Variants in CALN1 observed in about 807,000 individuals in gnomAD.
CALN1 encodes calneuron 1.
A neutral mutation model predicts 30.6 loss-of-function variants in CALN1; 17 were observed. The ratio of observed to expected loss-of-function variants is 0.56; its 90% CI spans 0.38 to 0.83. The LOEUF is 0.83. CALN1 is among the 40% of genes least tolerant of loss of function. CALN1 has a pLI of 0.00. For synonymous variants in CALN1, 156 were observed against 131.4 expected, an observed-to-expected ratio of 1.19 and a Z score of -1.28; for missense variants, 291 against 354.9, an observed-to-expected ratio of 0.82 and a Z score of 1.45.
intron 2 of CALN1, among the ~76,000 whole-genome samples, chr7:72,338,503 GTGTGTGTGTGTGTGTGTGTGTGTGTC>G (rs1344089943): frequency 1.4e-5 from 2 of 147,162 alleles, no homozygotes; most frequent in African/African-American, 5.1e-5. Flanking sequence ...GTGTGTGTGT[GTGTGTGTGTGTGTGTGTGTGTGTGTC>G]TCACCTGGGT....
chr7:72,424,023 AG>A lies in CALN1; in HGVS notation c.-225-11749del, dbSNP rs368422945. Among the ~76,000 whole-genome samples the A allele has an allele frequency of 9.0e-3, 1,238 of 138,126 alleles. 20 individuals are homozygous for A. The highest frequency in any genetic ancestry group is 0.031 in the African/African-American group (1,160 of 36,900). 90.6% of individuals were successfully genotyped at this position (138,126 alleles called of 152,430 possible). On this transcript the variant is annotated intron_variant, in intron 1 of 6. Coordinates refer to the CALN1 transcript ENST00000395276. The stretch of plus-strand genomic sequence containing the variant: ...AGAAGGAAGGAAGGAGGGAGGGAGG[AG>A]GGGAAGGAAGGAAGGAAAAGAAAGA...
intron 4 of CALN1, among the ~76,000 whole-genome samples, chr7:72,100,339 G>A (rs1806561080): frequency 6.6e-6 from 1 of 151,734 alleles, no homozygotes; most frequent in Non-Finnish European, 1.5e-5. Context: ...GTACCACTAT[G>A]CCCAGCTAAT....
chr7:72,159,360 G>C (rs574140862), intron 3 of CALN1, among the ~76,000 whole-genome samples: 1 of 152,246 alleles, frequency 6.6e-6, no homozygotes, highest in Non-Finnish European at 1.5e-5. Context: ...AATTAGCCAG[G>C]CATGTGGTGT....
intron 5 of CALN1, among the ~76,000 whole-genome samples, chr7:71,902,527 T>G (rs928885156): frequency 1.4e-4 from 21 of 152,162 alleles, no homozygotes; most frequent in African/African-American, 4.6e-4. Context: ...AACTGAGCTT[T>G]GACTGTTGGT....
intron 5 of CALN1, among the ~76,000 whole-genome samples, chr7:71,861,194 T>C (rs1005333491): frequency 7.2e-5 from 11 of 151,770 alleles, no homozygotes; most frequent in African/African-American, 2.2e-4. Context: ...TGTGTGTGCG[T>C]GTGTGTGTGT....
chr7:71,834,563 G>A (rs1789499493), intron 5 of CALN1, among the ~76,000 whole-genome samples: 1 of 152,096 alleles, frequency 6.6e-6, no homozygotes, highest in African/African-American at 2.4e-5. Flanking sequence ...AGTGTTCTGA[G>A]ATGGAAAAGT....
At chr7:72,260,826 G>T (rs537947812) in intron 3 of CALN1, among the ~76,000 whole-genome samples, 4 of 152,174 alleles carry the variant, frequency 2.6e-5, no homozygotes, top group African/African-American at 9.6e-5. Flanking sequence ...GCTCTCCAAA[G>T]TGCCCTACAA....
intron 5 of CALN1, among the ~76,000 whole-genome samples, chr7:71,937,535 G>A (rs1020425669): frequency 2.6e-5 from 4 of 152,214 alleles, no homozygotes; most frequent in African/African-American, 9.6e-5. Context: ...CGGGAGTCCG[G>A]TGGTGCAATC....
intron 6 of CALN1, among the ~76,000 whole-genome samples, chr7:71,799,580 C>A (rs531668867): frequency 6.6e-6 from 1 of 152,042 alleles, no homozygotes; most frequent in South Asian, 2.1e-4. Context: ...ATTCTCCTGC[C>A]TCAGCCTCCC....
chr7:72,112,879 C>T (rs568633880), intron 3 of CALN1, among the ~76,000 whole-genome samples: 22 of 152,200 alleles, frequency 1.4e-4, no homozygotes, highest in African/African-American at 5.1e-4. Context: ...CCACGGAGGT[C>T]GAGATGTTGA....
At chr7:72,023,849 G>C in intron 4 of CALN1, 80 bp from the exon 5 acceptor site, 1 of 929,826 alleles carries the variant, frequency 1.1e-6, no homozygotes, top group South Asian at 1.5e-5. Context: ...ACACCTCTAC[G>C]CTTTTCTTCT....
intron 3 of CALN1, among the ~76,000 whole-genome samples, chr7:72,189,077 T>G (rs1297627871): frequency 6.6e-6 from 1 of 152,186 alleles, no homozygotes; most frequent in Non-Finnish European, 1.5e-5. Flanking sequence ...CTATCCAAAA[T>G]CAGAGCCAAA....
intron 5 of CALN1, among the ~76,000 whole-genome samples, chr7:71,915,942 T>C (rs754776421): frequency 1.3e-5 from 2 of 152,122 alleles, no homozygotes; most frequent in Non-Finnish European, 2.9e-5. Flanking sequence ...AGCTAAAATG[T>C]CACAACCCAA....
chr7:72,459,307 T>C, the CALN1 span, among the ~76,000 whole-genome samples: 1 of 152,216 alleles, frequency 6.6e-6, no homozygotes, highest in Non-Finnish European at 1.5e-5. Context: ...GTCAACAACC[T>C]GTAGCCACTA....
chr7:72,395,576 G>C (rs985992505), intron 2 of CALN1, among the ~76,000 whole-genome samples: 4 of 152,148 alleles, frequency 2.6e-5, no homozygotes, highest in Admixed American at 1.3e-4. Flanking sequence ...TTGATGTTCT[G>C]AGGATCATTC....
intron 1 of CALN1, 148 bp from the exon 2 acceptor site, chr7:72,403,590 A>G: frequency 2.2e-6 from 1 of 460,450 alleles, no homozygotes; most frequent in Non-Finnish European, 3.8e-6. Context: ...AAATATAATT[A>G]CAGTTGAGAC....
At chr7:72,346,010 G>A (rs961761974) in intron 2 of CALN1, among the ~76,000 whole-genome samples, 1 of 152,008 alleles carries the variant, frequency 6.6e-6, no homozygotes, top group Non-Finnish European at 1.5e-5. Flanking sequence ...TTCAGATACT[G>A]GATTTATATA....
intron 4 of CALN1, among the ~76,000 whole-genome samples, chr7:72,053,260 C>T (rs769676896): frequency 3.4e-4 from 51 of 152,188 alleles, no homozygotes; most frequent in Non-Finnish European, 5.9e-4. Flanking sequence ...AATATGTGCT[C>T]CCAAAGAGTG....
intron 5 of CALN1, among the ~76,000 whole-genome samples, chr7:71,829,261 C>T (rs1456711582): frequency 6.6e-6 from 1 of 152,088 alleles, no homozygotes. Context: ...AGAGATTTCA[C>T]TAAAGAGGAA....
Sources: gnomAD v4.1 joint callset for allele counts (sites outside exome capture counted in the v4.1 genomes callset) on GRCh38, gnomAD v4.1.1 for gene constraint, MANE v1.5 for transcripts, NCBI Gene and HGNC (gene_info 2026-07-23, HGNC 2026-07-21) for gene names.